NKX6-1: variants seen among roughly 807,000 people sequenced by gnomAD.
NKX6-1 encodes NK6 homeobox 1.
In NKX6-1, 11 loss-of-function variants were observed where a neutral mutation model predicts 24.9. The ratio of observed to expected loss-of-function variants is 0.44; its 90% CI spans 0.28 to 0.73. The LOEUF (loss-of-function observed/expected upper bound fraction) is 0.73. Among genes scored for constraint, NKX6-1 ranks in the 30% least tolerant of loss-of-function variants. NKX6-1 has a pLI of 0.15. For missense variants in NKX6-1, 487 were observed against 502.9 expected (o/e 0.97, Z 0.30); for synonymous variants, 277 against 242.9 (o/e 1.14, Z -1.31).
At position 84,498,265 on chromosome 4, in the gene NKX6-1, G is replaced by A. The variant is rs547181534; in HGVS notation, c.-37C>T. 1.3e-4 allele frequency: 173 copies of A among 1,290,094 alleles called. No individual in the cohort carries two copies. The African/African-American group carries it at 2.2e-3, about 16-fold the overall frequency. The allele number at this position is 1,290,094 out of a possible 1,614,324, so 79.9% of individuals were successfully genotyped here. A position where few individuals can be genotyped will look rare whatever the true frequency, so the allele number is the denominator to read the frequency against. On this transcript the variant is annotated 5_prime_UTR_variant, in exon 1 of 3. Coordinates refer to ENST00000295886, the MANE Select transcript of NKX6-1 (RefSeq NM_006168.3). ...GCCGGAGACCGTAGCCTTGCAGCGA[G>A]GGCGCTGGCTGGTGCCCCCCGCGGG...
chr4:84,495,343 A>G (rs569495862), intron 2 of NKX6-1, among the ~76,000 whole-genome samples: 1 of 152,332 alleles, frequency 6.6e-6, no homozygotes, highest in East Asian at 1.9e-4. Context: ...GGCCTGATCT[A>G]TTCTCTGGGC....
Position 84,495,689 on chromosome 4 carries a change from T to C in NKX6-1, c.826A>G (p.Thr276Ala), listed in dbSNP as rs770859935. 6.2e-7 allele frequency: 1 copy of C among 1,612,422 alleles called. No homozygotes were observed. The highest frequency in any genetic ancestry group is 1.1e-5 in the South Asian group (1 of 90,988). Reference protein sequence around the residue: ...RARLAYSLGMTESQVKVWFQN... With the variant: ...RARLAYSLGMAESQVKVWFQN... ...CCACTCACCTTGACCTGACTCTCTG[T>C]CATCCCCAACGAATAGGCCAAACGA... The change falls in exon 2 of 3, where the codon ACA (threonine) becomes GCA (alanine). Residue 276 changes from threonine (T) to alanine (A), a missense_variant. This residue lies in a region of NKX6-1 where 45 missense variants were observed against 86.0 expected (regional missense o/e 0.52). Transcript: ENST00000295886.
chr4:84,494,320 T>C (rs1253428526), intron 2 of NKX6-1, among the ~76,000 whole-genome samples: 1 of 152,214 alleles, frequency 6.6e-6, no homozygotes, highest in Non-Finnish European at 1.5e-5. Context: ...TTTTCCACAA[T>C]TGGCATGTCT....
intron 2 of NKX6-1, among the ~76,000 whole-genome samples, chr4:84,495,162 A>T (rs1237032030): frequency 6.6e-6 from 1 of 152,244 alleles, no homozygotes; most frequent in Non-Finnish European, 1.5e-5. Flanking sequence ...AAACAGGTTC[A>T]TCTATGGCAA....
In NKX6-1 at chr4:84,497,719, C is replaced by CGGCGGG. The variant is rs1408486505; in HGVS notation, c.509_510insCCCGCC (p.Pro172_Pro173dup). ...GGCTGAAGTAGAGCCCGGGCGGCGG[C>CGGCGGG]GGCGGCGGGCTCAGGCTGCTAAAGC... On this transcript the variant is annotated inframe_insertion, in exon 1 of 3. Transcript: ENST00000295886. The surrounding 1 kb of genome is among the most constrained non-coding windows in gnomAD (Gnocchi z 4.8). 7.9e-7 allele frequency: 1 copy of CGGCGGG among 1,258,802 alleles called. No individual in the cohort carries two copies. The highest frequency in any genetic ancestry group is 1.6e-5 in the African/African-American group (1 of 64,368). 78.0% of individuals were successfully genotyped at this position (1,258,802 alleles called of 1,614,324 possible).
Position 84,497,549 on chromosome 4 carries a change from T to G in NKX6-1, c.670+10A>C. On this transcript the variant is annotated intron_variant, in intron 1 of 2. Coordinates refer to ENST00000295886, the MANE Select transcript of NKX6-1 (RefSeq NM_006168.3). This position sits in a 1 kb window ranked among gnomAD's most constrained non-coding sequence, Gnocchi z 4.8. ...CAGGCAGGCATCGGGGCGCGGGTGG[T>G]AGTACTCACGAGGGGTACAGGCCAG... 1 of 1,254,384 alleles carries G rather than the reference T, an allele frequency of 8.0e-7. No individual in the cohort carries two copies. The highest frequency in any genetic ancestry group is 1.0e-6 in the Non-Finnish European group (1 of 992,224). 77.7% of individuals were successfully genotyped at this position (1,254,384 alleles called of 1,614,324 possible). A position where few individuals can be genotyped will look rare whatever the true frequency, so the allele number is the denominator to read the frequency against.
chr4:84,497,521 C>A lies in NKX6-1; in HGVS notation c.670+38G>T. On this transcript the variant is annotated intron_variant, in intron 1 of 2. Coordinates refer to ENST00000295886, the MANE Select transcript of NKX6-1 (RefSeq NM_006168.3). The surrounding 1 kb of genome is among the most constrained non-coding windows in gnomAD (Gnocchi z 4.8). ...GACCCGGGAGTGGGCAGAACAGGCA[C>A]GGCAGGCAGGCATCGGGGCGCGGGT... The A allele has an allele frequency of 1.6e-6, 2 of 1,253,100 alleles. No homozygotes were observed. The highest frequency in any genetic ancestry group is 2.0e-6 in the Non-Finnish European group (2 of 991,206). The allele number at this position is 1,253,100 out of a possible 1,614,324, so 77.6% of individuals were successfully genotyped here.
In NKX6-1 at chr4:84,493,327, GGCC is replaced by G. The variant is rs746062641; in HGVS notation, c.1063_1065del (p.Gly355del). ...TCCGGCTCGGACGCGTGCAGTAGGA[GGCC>G]GCCGCCGCCGCCGCTGCTGGACTTG... On this transcript the variant is annotated inframe_deletion, in exon 3 of 3. Coordinates refer to ENST00000295886, the MANE Select transcript of NKX6-1 (RefSeq NM_006168.3). This position sits in a 1 kb window ranked among gnomAD's most constrained non-coding sequence, Gnocchi z 5.1. The G allele has an allele frequency of 1.7e-5, 27 of 1,610,876 alleles. No homozygotes were observed. The highest frequency in any genetic ancestry group is 6.7e-5 in the African/African-American group (5 of 74,886).
intron 2 of NKX6-1, 80 bp downstream of exon 2, chr4:84,495,591 GT>G: frequency 8.6e-7 from 1 of 1,166,692 alleles, no homozygotes; most frequent in Non-Finnish European, 1.2e-6. Flanking sequence ...TGGGGTGTGT[GT>G]GTGTGTGTGT....
chr4:84,495,578 G>T, intron 2 of NKX6-1, 94 bp downstream of exon 2: 1 of 1,107,904 alleles, frequency 9.0e-7, no homozygotes, highest in Non-Finnish European at 1.3e-6. Context: ...CTGTTTGTTA[G>T]TTTGGGGTGT....
Position 84,498,653 on chromosome 4 carries a change from T to C in NKX6-1, c.-425A>G, listed in dbSNP as rs746699737. Among the ~76,000 whole-genome samples, 71 of 152,182 alleles carry C rather than the reference T, an allele frequency of 4.7e-4. No homozygotes were observed. Among genetic ancestry groups the C allele is most frequent in the Admixed American group, 2.0e-3 (30 of 15,286 alleles). The stretch of plus-strand genomic sequence containing the variant: ...GCAAAGTTAGTTGCCGAATCTCCAC[T>C]TTGAAGTTGGAGGGTGGGGGTGGCT... On this transcript the variant is annotated 5_prime_UTR_variant, in exon 1 of 3. Coordinates refer to ENST00000295886, the MANE Select transcript of NKX6-1 (RefSeq NM_006168.3).
At position 84,498,282 on chromosome 4, in the gene NKX6-1, C is replaced by T; in HGVS notation, c.-54G>A. 2.3e-6 allele frequency: 3 copies of T among 1,282,246 alleles called. No homozygotes were observed. The highest frequency in any genetic ancestry group is 3.0e-6 in the Non-Finnish European group (3 of 1,014,896). 79.4% of individuals were successfully genotyped at this position (1,282,246 alleles called of 1,614,324 possible). On this transcript the variant is annotated 5_prime_UTR_variant, in exon 1 of 3. Transcript: ENST00000295886. ...TGCAGCGAGGGCGCTGGCTGGTGCC[C>T]CCCGCGGGGCTCAGAGGAGCCGGAA...
At position 84,499,000 on chromosome 4, in the gene NKX6-1, C is replaced by A. The variant is rs1161867102; in HGVS notation, c.-772G>T. Reference sequence around the variant, plus strand: ...AAAAGAAAAAGGGGGAGGAAAAACACAGAAAAACAAAAGACTAAGTGTGAA... The same window carrying A: ...AAAAGAAAAAGGGGGAGGAAAAACAAAGAAAAACAAAAGACTAAGTGTGAA... On this transcript the variant is annotated 5_prime_UTR_variant, in exon 1 of 3. Transcript: ENST00000295886. 6.6e-6 allele frequency among the ~76,000 whole-genome samples: 1 copy of A among 152,220 alleles called. No homozygotes were observed. Among genetic ancestry groups the A allele is most frequent in the East Asian group, 1.9e-4 (1 of 5,180 alleles).
chr4:84,495,825 C>G lies in NKX6-1; in HGVS notation c.690G>C (p.Leu230Phe), dbSNP rs1720808335. 2 of 1,613,948 alleles carry G rather than the reference C, an allele frequency of 1.2e-6. No individual in the cohort carries two copies. The highest frequency in any genetic ancestry group is 1.7e-6 in the Non-Finnish European group (2 of 1,180,004). Residue 230 changes from leucine to phenylalanine, a missense_variant, in exon 2 of 3, where the codon TTG (leucine) becomes TTC (phenylalanine). This residue lies in a region of NKX6-1 where 45 missense variants were observed against 86.0 expected (regional missense o/e 0.52). Transcript: ENST00000295886. The stretch of plus-strand genomic sequence containing the variant: ...TGTGTTTTCTCTTCCCGTCTTTGTC[C>G]AACAAAATGGATCCTTGATCTGTGA... ...ACTPHQGSILLDKDGKRKHTR... is the reference protein window; with the variant it reads ...ACTPHQGSILFDKDGKRKHTR...
Position 84,498,175 on chromosome 4 carries a change from G to A in NKX6-1, c.54C>T (p.Ser18=). The A allele has an allele frequency of 6.9e-6, 9 of 1,298,076 alleles. No homozygotes were observed. The highest frequency in any genetic ancestry group is 8.8e-6 in the Non-Finnish European group (9 of 1,022,990). The allele number at this position is 1,298,076 out of a possible 1,614,324, so 80.4% of individuals were successfully genotyped here. The stretch of plus-strand genomic sequence containing the variant: ...TGTGCAGGGCGGCCAGGGGAGGGCT[G>A]CTGAGCAGGAATGCGCTCTGCCGGG... ...EGTRQSAFLL[S]SPPLAALHSM... is the part of the protein sequence containing the mutation. Residue 18 remains serine (S), a synonymous_variant, in exon 1 of 3, where the codon AGC becomes AGT. Transcript: ENST00000295886.
In NKX6-1 at chr4:84,498,378, G is replaced by T; in HGVS notation, c.-150C>A. ...AGCTGCCAACTGAACCAAAAATGCC[G>T]CTGCCGGGAGTTGCTCGCCTAGCTG... On this transcript the variant is annotated 5_prime_UTR_variant, in exon 1 of 3. Coordinates refer to ENST00000295886, the MANE Select transcript of NKX6-1 (RefSeq NM_006168.3). 3.6e-6 allele frequency: 3 copies of T among 837,766 alleles called. No homozygotes were observed. The highest frequency in any genetic ancestry group is 8.6e-5 in the Admixed American group (2 of 23,332). The allele number at this position is 837,766 out of a possible 1,614,324, so 51.9% of individuals were successfully genotyped here.
At position 84,495,703 on chromosome 4, in the gene NKX6-1, T is replaced by C. The variant is rs771683754; in HGVS notation, c.812A>G (p.Tyr271Cys). The change falls in exon 2 of 3, where the codon TAT (tyrosine) becomes TGT (cysteine). Residue 271 changes from tyrosine (Y) to cysteine (C), a missense_variant. By Grantham distance (194) the Tyr-to-Cys change is radical. Transcript: ENST00000295886. The part of the protein sequence containing the change: ...LAGPERARLA[Y>C]SLGMTESQVK... ...CTGACTCTCTGTCATCCCCAACGAA[T>C]AGGCCAAACGAGCCCTCTCGGGCCC... The C allele has an allele frequency of 1.6e-4, 253 of 1,612,566 alleles. No individual in the cohort carries two copies. Among genetic ancestry groups the C allele is most frequent in the Non-Finnish European group, 1.9e-4 (220 of 1,180,044 alleles).
rs1427689892 is a variant in NKX6-1, at chr4:84,493,090, T to C, written c.*199A>G. 2.4e-6 allele frequency: 1 copy of C among 422,642 alleles called. No individual in the cohort carries two copies. Among genetic ancestry groups the C allele is most frequent in the Non-Finnish European group, 4.0e-6 (1 of 249,564 alleles). 26.2% of individuals were successfully genotyped at this position (422,642 alleles called of 1,614,324 possible). A position where few individuals can be genotyped will look rare whatever the true frequency, so the allele number is the denominator to read the frequency against. On this transcript the variant is annotated 3_prime_UTR_variant, in exon 3 of 3. Coordinates refer to ENST00000295886, the MANE Select transcript of NKX6-1 (RefSeq NM_006168.3). This position sits in a 1 kb window ranked among gnomAD's most constrained non-coding sequence, Gnocchi z 5.1. Reference sequence around the variant, plus strand: ...TGCCTTATCAACCCCGGAGTCTCTCTCCCCTACATCCCCTCCCACAACTTC... The same window carrying C: ...TGCCTTATCAACCCCGGAGTCTCTCCCCCCTACATCCCCTCCCACAACTTC...
At chr4:84,495,628 A>G in intron 2 of NKX6-1, 44 bp downstream of exon 2, 1 of 1,569,572 alleles carries the variant, frequency 6.4e-7, no homozygotes, top group Non-Finnish European at 8.7e-7. Flanking sequence ...CGCGCGCGCG[A>G]CAGGGGCGGT....
Sources: allele counts gnomAD v4.1 joint callset (sites outside exome capture counted in the v4.1 genomes callset), GRCh38; gene constraint gnomAD v4.1.1; regional missense constraint gnomAD v4.1.1; non-coding constraint Gnocchi (gnomAD v3.1); transcripts MANE v1.5; gene names NCBI Gene and HGNC (gene_info 2026-07-23, HGNC 2026-07-21).